DCLK2: variants seen among roughly 807,000 people sequenced by gnomAD.
DCLK2 encodes the protein serine/threonine-protein kinase DCLK2.
DCLK2 carries 31 observed loss-of-function variants against 78.4 expected under a neutral mutation model. The observed-to-expected ratio is 0.40, with a 90% confidence interval of 0.30 to 0.53. The LOEUF (loss-of-function observed/expected upper bound fraction) is 0.53, where lower values mean the gene tolerates loss of function less well. Among genes scored for constraint, DCLK2 ranks in the 20% least tolerant of loss-of-function variants. The probability of loss-of-function intolerance (pLI) is 0.61; values close to 1 mark genes in which losing one functional copy is unlikely to be tolerated. For synonymous variants in DCLK2, 407 were observed against 374.9 expected (o/e 1.09, Z -0.99); for missense variants, 872 against 973.7 (o/e 0.90, Z 1.39).
chr4:150,219,874 C>T (rs1741045126), intron 5 of DCLK2, among the ~76,000 whole-genome samples: 2 of 152,110 alleles, frequency 1.3e-5, no homozygotes, highest in Non-Finnish European at 1.5e-5. Context: ...GATCATGGCC[C>T]GAATGCCATG....
intron 2 of DCLK2, among the ~76,000 whole-genome samples, chr4:150,151,962 T>G (rs1359456644): frequency 6.6e-6 from 1 of 152,180 alleles, no homozygotes; most frequent in African/African-American, 2.4e-5. Flanking sequence ...TGGCTCTGGT[T>G]AAAATGTAAA....
intron 2 of DCLK2, among the ~76,000 whole-genome samples, chr4:150,126,762 A>G (rs1732945983): frequency 6.6e-6 from 1 of 152,226 alleles, no homozygotes; most frequent in African/African-American, 2.4e-5. Flanking sequence ...CAGGAAATCA[A>G]CAGAGTTGGT....
In DCLK2 at chr4:150,098,698, CTT is replaced by C. The variant is rs59616581; in HGVS notation, c.422-3765_422-3764del. ...TCATACTGTGGGGTTTTTTCTTTTT[CTT>C]TTTTTTTTTTTTTTGGCAGAGTCTC... On this transcript the variant is annotated intron_variant, in intron 1 of 15. Transcript: ENST00000296550. Among the ~76,000 whole-genome samples the C allele has an allele frequency of 5.6e-3, 727 of 129,060 alleles. 5 individuals carry two copies. The highest frequency in any genetic ancestry group is 0.017 in the African/African-American group (598 of 34,734). 84.7% of individuals were successfully genotyped at this position (129,060 alleles called of 152,430 possible).
At chr4:150,207,477 T>G (rs898128692) in intron 5 of DCLK2, among the ~76,000 whole-genome samples, 1 of 152,172 alleles carries the variant, frequency 6.6e-6, no homozygotes, top group Non-Finnish European at 1.5e-5. Context: ...TAGTGACACT[T>G]TGGTTTGCTC....
chr4:150,253,416 G>T (rs758041800), intron 15 of DCLK2: 28 of 1,288,554 alleles, frequency 2.2e-5, no homozygotes, highest in Non-Finnish European at 2.6e-5. Flanking sequence ...CTAGAAATTG[G>T]TCCATAAAGG....
chr4:150,191,038 A>T (rs1738413638), intron 2 of DCLK2, among the ~76,000 whole-genome samples: 1 of 152,052 alleles, frequency 6.6e-6, no homozygotes, highest in African/African-American at 2.4e-5. Flanking sequence ...AGGTAGGAGG[A>T]TCATTTAAGC....
chr4:150,241,784 C>G (rs376586936), intron 12 of DCLK2, among the ~76,000 whole-genome samples: 4 of 152,296 alleles, frequency 2.6e-5, no homozygotes, highest in Non-Finnish European at 5.9e-5. Context: ...TCTCCTCACT[C>G]TAACCACATA....
chr4:150,142,930 C>G (rs1052877388), intron 2 of DCLK2, among the ~76,000 whole-genome samples: 6 of 151,990 alleles, frequency 3.9e-5, no homozygotes, highest in African/African-American at 1.5e-4. Context: ...TGTACCCTCA[C>G]TCCCCTCTCA....
intron 2 of DCLK2, among the ~76,000 whole-genome samples, chr4:150,138,980 G>C (rs1354447644): frequency 7.1e-6 from 1 of 140,706 alleles, no homozygotes; most frequent in Non-Finnish European, 1.5e-5. Flanking sequence ...TCAAATTTTT[G>C]AGTTTTTAAA....
At chr4:150,127,753 T>A (rs1733020359) in intron 2 of DCLK2, among the ~76,000 whole-genome samples, 1 of 152,226 alleles carries the variant, frequency 6.6e-6, no homozygotes, top group African/African-American at 2.4e-5. Context: ...CAGGTTTCCA[T>A]GCCACTCTTT....
chr4:150,115,166 T>C (rs1020743959), intron 2 of DCLK2, among the ~76,000 whole-genome samples: 1 of 152,242 alleles, frequency 6.6e-6, no homozygotes, highest in African/African-American at 2.4e-5. Context: ...CTGTTAAAAG[T>C]TTCCACTGCA....
At chr4:150,208,068 G>A (rs533052315) in intron 5 of DCLK2, among the ~76,000 whole-genome samples, 1 of 152,120 alleles carries the variant, frequency 6.6e-6, no homozygotes, top group Non-Finnish European at 1.5e-5. Flanking sequence ...GGCAGGCTGG[G>A]GTGATCTGAC....
At chr4:150,245,379 T>TTTTATTTTA (rs1743228667) in intron 12 of DCLK2, among the ~76,000 whole-genome samples, 1 of 152,146 alleles carries the variant, frequency 6.6e-6, no homozygotes, top group Non-Finnish European at 1.5e-5. Context: ...TTTTTGTTGT[T>TTTTATTTTA]TTTATTTTAT....
intron 2 of DCLK2, among the ~76,000 whole-genome samples, chr4:150,123,767 T>G (rs1202663553): frequency 6.6e-6 from 1 of 152,026 alleles, no homozygotes; most frequent in Admixed American, 6.6e-5. Context: ...TTGGACTGGG[T>G]GTGGTGGCTC....
intron 3 of DCLK2, among the ~76,000 whole-genome samples, chr4:150,194,700 C>T (rs868298364): frequency 2.6e-5 from 4 of 152,068 alleles, no homozygotes; most frequent in African/African-American, 9.7e-5. Flanking sequence ...CTTAGAGATA[C>T]GATCCTCCTC....
intron 1 of DCLK2, among the ~76,000 whole-genome samples, chr4:150,097,334 G>C (rs548559746): frequency 6.6e-6 from 1 of 152,118 alleles, no homozygotes; most frequent in Non-Finnish European, 1.5e-5. Context: ...GCTAATTTTT[G>C]TATTTTTTAG....
At chr4:150,086,324 G>A (rs1246489833) in intron 1 of DCLK2, among the ~76,000 whole-genome samples, 1 of 152,104 alleles carries the variant, frequency 6.6e-6, no homozygotes, top group African/African-American at 2.4e-5. Context: ...GGTAACATAA[G>A]TTCATGTTAA....
chr4:150,093,363 T>G (rs1286030760), intron 1 of DCLK2, among the ~76,000 whole-genome samples: 1 of 152,192 alleles, frequency 6.6e-6, no homozygotes, highest in Non-Finnish European at 1.5e-5. Flanking sequence ...TTCAATGCAA[T>G]TATGAAAATC....
At chr4:150,148,768 C>T (rs1216704794) in intron 2 of DCLK2, among the ~76,000 whole-genome samples, 3 of 151,996 alleles carry the variant, frequency 2.0e-5, no homozygotes, top group Admixed American at 1.3e-4. Flanking sequence ...CGTGGTGGCT[C>T]ACGCCAGTAA....
Sources: allele counts gnomAD v4.1 joint callset (sites outside exome capture counted in the v4.1 genomes callset), GRCh38; gene constraint gnomAD v4.1.1; transcripts MANE v1.5; gene names NCBI Gene and HGNC (gene_info 2026-07-23, HGNC 2026-07-21).